Variants in CFDP1 observed in about 807,000 individuals in gnomAD.
The protein encoded by CFDP1 is heterochromatin-stabilizing protein CFDP1.
In CFDP1, 31 loss-of-function variants were observed where a neutral mutation model predicts 40.1. The observed-to-expected ratio is 0.77, with a 90% CI of 0.58 to 1.04. The LOEUF is 1.04. Ranked by LOEUF, CFDP1 falls within the 50% of genes least tolerant of loss-of-function variation. The pLI, the probability that CFDP1 is intolerant of heterozygous loss-of-function variation, is 0.00. For synonymous variants in CFDP1, 167 were observed against 120.0 expected, an observed-to-expected ratio of 1.39 and a Z score of -2.56; for missense variants, 423 against 343.4, an observed-to-expected ratio of 1.23 and a Z score of -1.83.
chr16:75,344,377 GA>G (rs1403697491), intron 5 of CFDP1, among the ~76,000 whole-genome samples: 1 of 152,130 alleles, frequency 6.6e-6, no homozygotes, highest in Non-Finnish European at 1.5e-5. Context: ...GAAAACAAAG[GA>G]AATCAGGTGT....
chr16:75,341,279 C>T lies in CFDP1; in HGVS notation c.651-36097G>A, dbSNP rs575877514. Reference sequence around the variant, plus strand: ...CCCGTCCACCTGCACCACATACCACCAGCTACAATTCTCTTTGACAGCTGC... The same window carrying T: ...CCCGTCCACCTGCACCACATACCACTAGCTACAATTCTCTTTGACAGCTGC... On this transcript the variant is annotated intron_variant, in intron 5 of 6. Transcript: ENST00000283882. Among the ~76,000 whole-genome samples the T allele has an allele frequency of 1.1e-4, 17 of 152,328 alleles. No homozygotes were observed. In the South Asian group the frequency reaches 2.1e-3, roughly 19 times the overall value.
chr16:75,385,060 G>C (rs908313157), intron 5 of CFDP1, among the ~76,000 whole-genome samples: 4 of 151,020 alleles, frequency 2.6e-5, no homozygotes, highest in African/African-American at 9.7e-5. Flanking sequence ...AGGTATTGCA[G>C]GTACAGAGTA....
intron 4 of CFDP1, among the ~76,000 whole-genome samples, chr16:75,410,625 A>G (rs1486148001): frequency 1.3e-5 from 2 of 150,582 alleles, no homozygotes; most frequent in East Asian, 3.9e-4. Context: ...TACAAAAAAA[A>G]AGTCCAGGCA....
At chr16:75,387,506 C>T (rs1375169706) in intron 5 of CFDP1, among the ~76,000 whole-genome samples, 3 of 152,196 alleles carry the variant, frequency 2.0e-5, no homozygotes, top group Non-Finnish European at 2.9e-5. Context: ...ACACCAGTAC[C>T]ACCAGAGCTG....
intron 5 of CFDP1, among the ~76,000 whole-genome samples, chr16:75,307,906 T>C (rs2078269418): frequency 6.6e-6 from 1 of 152,178 alleles, no homozygotes; most frequent in Non-Finnish European, 1.5e-5. Flanking sequence ...TTCCCTAACC[T>C]CTAGATTAGG....
intron 6 of CFDP1, among the ~76,000 whole-genome samples, chr16:75,298,313 G>T (rs1320471897): frequency 6.6e-6 from 1 of 152,146 alleles, no homozygotes; most frequent in East Asian, 1.9e-4. Flanking sequence ...GAGGACAGAG[G>T]GCCTTTGAGG....
rs539826111 is a variant in CFDP1 at position 75,305,309 on chromosome 16, T to G, written c.651-127A>C. ...ATCTTAGTGGAAGCCATGTTCATATTTGGGGCATTTCCTTCCTGGTGTGGA... is the reference window on the plus strand; with the variant it reads ...ATCTTAGTGGAAGCCATGTTCATATGTGGGGCATTTCCTTCCTGGTGTGGA... On this transcript the variant is annotated intron_variant, in intron 5 of 6. Coordinates refer to ENST00000283882, the MANE Select transcript of CFDP1 (RefSeq NM_006324.3). 131 of 919,752 alleles carry G rather than the reference T, an allele frequency of 1.4e-4. No homozygotes were observed. The African/African-American group carries it at 1.8e-3, about 13-fold the overall frequency. 57.0% of individuals were successfully genotyped at this position (919,752 alleles called of 1,614,324 possible). A position where few individuals can be genotyped will look rare whatever the true frequency, so the allele number is the denominator to read the frequency against.
intron 5 of CFDP1, among the ~76,000 whole-genome samples, chr16:75,356,916 T>TC (rs1422149300): frequency 6.9e-6 from 1 of 144,890 alleles, no homozygotes; most frequent in Non-Finnish European, 1.5e-5. Flanking sequence ...TCTTTCTTTT[T>TC]TTTTTTTTTT....
chr16:75,318,190 C>T (rs1176724638), intron 5 of CFDP1, among the ~76,000 whole-genome samples: 1 of 152,122 alleles, frequency 6.6e-6, no homozygotes, highest in Non-Finnish European at 1.5e-5. Context: ...CTGTGCTCTG[C>T]TGTGACTGTG....
intron 6 of CFDP1, among the ~76,000 whole-genome samples, chr16:75,301,133 G>A (rs1399727031): frequency 3.3e-5 from 5 of 152,166 alleles, no homozygotes; most frequent in African/African-American, 4.8e-5. Context: ...GGAAAAGGGA[G>A]AAGACTGCTA....
At chr16:75,416,941 A>C (rs1256680721) in intron 1 of CFDP1, among the ~76,000 whole-genome samples, 1 of 152,166 alleles carries the variant, frequency 6.6e-6, no homozygotes, top group Non-Finnish European at 1.5e-5. Context: ...TTCCTGCTTA[A>C]GACAGCAATC....
chr16:75,295,458 G>C (rs1045436485), intron 6 of CFDP1, among the ~76,000 whole-genome samples: 1 of 152,204 alleles, frequency 6.6e-6, no homozygotes, highest in African/African-American at 2.4e-5. Context: ...AAATAAAATA[G>C]TGTCTACATC....
chr16:75,419,901 T>C (rs143952910), intron 1 of CFDP1, among the ~76,000 whole-genome samples: 2 of 152,256 alleles, frequency 1.3e-5, no homozygotes, highest in African/African-American at 4.8e-5. Context: ...GGAGTAGACA[T>C]TCTTTATTCC....
At chr16:75,358,288 G>GAAGCACAGTA (rs2078659412) in intron 5 of CFDP1, among the ~76,000 whole-genome samples, 2 of 152,144 alleles carry the variant, frequency 1.3e-5, no homozygotes, top group Non-Finnish European at 2.9e-5. Flanking sequence ...CAGTATCTGT[G>GAAGCACAGTA]AAGCACAGTA....
chr16:75,352,985 G>A (rs936180738), intron 5 of CFDP1, among the ~76,000 whole-genome samples: 1 of 152,104 alleles, frequency 6.6e-6, no homozygotes, highest in African/African-American at 2.4e-5. Context: ...AAACACACAG[G>A]ACAGAGGAAC....
At chr16:75,347,565 G>A (rs949076097) in intron 5 of CFDP1, among the ~76,000 whole-genome samples, 2 of 151,778 alleles carry the variant, frequency 1.3e-5, no homozygotes, top group African/African-American at 4.8e-5. Flanking sequence ...TGTAGTCCCA[G>A]CTACTCGGGA....
At chr16:75,361,951 A>G (rs1223907927) in intron 5 of CFDP1, among the ~76,000 whole-genome samples, 1 of 152,194 alleles carries the variant, frequency 6.6e-6, no homozygotes, top group Non-Finnish European at 1.5e-5. Context: ...CAGGAAAACA[A>G]GCAAAAGAGC....
intron 5 of CFDP1, among the ~76,000 whole-genome samples, chr16:75,361,472 C>T (rs1241902136): frequency 1.3e-5 from 2 of 152,040 alleles, no homozygotes; most frequent in East Asian, 1.9e-4. Context: ...CAATAATTAG[C>T]CAAGTGTGGT....
At chr16:75,363,115 C>A (rs192038016) in intron 5 of CFDP1, 2 of 152,178 alleles carry the variant, frequency 1.3e-5, no homozygotes, top group East Asian at 3.9e-4. Context: ...TAGTACAACG[C>A]TCTTTACTCT....
Sources: allele counts gnomAD v4.1 joint callset (sites outside exome capture counted in the v4.1 genomes callset), GRCh38; gene constraint gnomAD v4.1.1; transcripts MANE v1.5; gene names NCBI Gene and HGNC (gene_info 2026-07-23, HGNC 2026-07-21).